The following C12orf42 variants were observed in gnomAD, a reference collection of about 807,000 sequenced individuals.
C12orf42 encodes uncharacterized protein C12orf42.
Under a neutral mutation model 21.6 loss-of-function variants are expected in C12orf42, and 25 were observed. That is an observed-to-expected ratio of 1.16 (90% CI 0.84 to 1.62). The LOEUF (loss-of-function observed/expected upper bound fraction) is 1.62, where lower values mean the gene tolerates loss of function less well. Among genes scored for constraint, C12orf42 ranks in the 40% most tolerant of loss-of-function variants. The probability of loss-of-function intolerance (pLI) is 0.00; values close to 1 mark genes in which losing one functional copy is unlikely to be tolerated. For missense variants in C12orf42, 483 were observed against 459.3 expected (o/e 1.05, Z -0.47); for synonymous variants, 174 against 175.0 (o/e 0.99, Z 0.05).
At chr12:103,143,612 T>C in the C12orf42 span, among the ~76,000 whole-genome samples, 1 of 152,226 alleles carries the variant, frequency 6.6e-6, no homozygotes. Context: ...AATCCATTTA[T>C]GTGAGAGGAA....
At chr12:103,175,352 A>G in the C12orf42 span, among the ~76,000 whole-genome samples, 1 of 152,230 alleles carries the variant, frequency 6.6e-6, no homozygotes, top group Admixed American at 6.5e-5. Flanking sequence ...AACAAAATCC[A>G]TTCACGGACA....
Position 103,401,716 on chromosome 12 carries a change from A to T in C12orf42, c.79-41T>A, listed in dbSNP as rs754685901. The T allele has an allele frequency of 5.1e-6, 8 of 1,560,540 alleles. No homozygotes were observed. The South Asian group carries it at 9.0e-5, about 17-fold the overall frequency. ...CAAGGCATTTAGTATCACTTCAATA[A>T]TTCTTACAAAGAAACATTTCCATTC... On this transcript the variant is annotated intron_variant, in intron 2 of 5. Coordinates refer to ENST00000548883, the MANE Select transcript of C12orf42 (RefSeq NM_198521.5).
the C12orf42 span, among the ~76,000 whole-genome samples, chr12:103,222,123 C>T: frequency 1.3e-5 from 2 of 152,160 alleles, no homozygotes; most frequent in African/African-American, 2.4e-5. Context: ...TTTTCATGCG[C>T]GTCCCTGTGA....
chr12:103,250,959 C>A (rs2034270562), intron 10 of C12orf42, among the ~76,000 whole-genome samples: 2 of 151,944 alleles, frequency 1.3e-5, no homozygotes, highest in Non-Finnish European at 1.5e-5. Flanking sequence ...TTACTCAAAT[C>A]CATATTTCAA....
the C12orf42 span, among the ~76,000 whole-genome samples, chr12:103,177,377 A>G: frequency 1.8e-4 from 27 of 152,340 alleles, no homozygotes; most frequent in East Asian, 4.2e-3. Flanking sequence ...GTTACCCCTA[A>G]GTATCTACCT....
chr12:103,351,606 G>A (rs115425257), intron 4 of C12orf42, among the ~76,000 whole-genome samples: 259 of 152,150 alleles, frequency 1.7e-3, no homozygotes, highest in African/African-American at 6.0e-3. Context: ...TGTCTGAGGA[G>A]AAACAACTGG....
chr12:103,383,081 T>C (rs544800358), intron 3 of C12orf42, among the ~76,000 whole-genome samples: 1 of 152,194 alleles, frequency 6.6e-6, no homozygotes, highest in East Asian at 1.9e-4. Flanking sequence ...GTTTCTTATA[T>C]GTATAAATTT....
At chr12:103,215,839 T>C in the C12orf42 span, among the ~76,000 whole-genome samples, 1 of 152,202 alleles carries the variant, frequency 6.6e-6, no homozygotes, top group Admixed American at 6.5e-5. Context: ...TTTCTAAACA[T>C]GCTGGATGAG....
At chr12:103,174,683 C>T in the C12orf42 span, among the ~76,000 whole-genome samples, 5 of 152,184 alleles carry the variant, frequency 3.3e-5, no homozygotes, top group Admixed American at 6.5e-5. Context: ...TGTAAACAAT[C>T]GAAGTATATC....
the C12orf42 span, among the ~76,000 whole-genome samples, chr12:103,158,703 ACC>A: frequency 6.6e-6 from 1 of 151,750 alleles, no homozygotes; most frequent in Non-Finnish European, 1.5e-5. Context: ...ACATGGTGAA[ACC>A]CCGTCTCTAC....
chr12:103,554,732 A>T, the C12orf42 span, among the ~76,000 whole-genome samples: 1 of 152,162 alleles, frequency 6.6e-6, no homozygotes, highest in Non-Finnish European at 1.5e-5. Flanking sequence ...GAGAAGGGGA[A>T]GGTGCTACAC....
At chr12:103,226,717 C>T in the C12orf42 span, among the ~76,000 whole-genome samples, 1 of 152,056 alleles carries the variant, frequency 6.6e-6, no homozygotes, top group Non-Finnish European at 1.5e-5. Flanking sequence ...GGACCTAGCT[C>T]AGCCTGGTGA....
chr12:103,261,509 T>C (rs1227093194), intron 10 of C12orf42, among the ~76,000 whole-genome samples: 1 of 151,168 alleles, frequency 6.6e-6, no homozygotes, highest in Non-Finnish European at 1.5e-5. Flanking sequence ...GTATGGTTCT[T>C]GTTGCAAAAA....
At chr12:103,476,024 T>A (rs1238412968) in intron 2 of C12orf42, among the ~76,000 whole-genome samples, 2 of 152,158 alleles carry the variant, frequency 1.3e-5, no homozygotes, top group Admixed American at 6.5e-5. Context: ...GAGCAACAAC[T>A]GTCCAAGAAA....
At chr12:103,127,386 T>C in the C12orf42 span, among the ~76,000 whole-genome samples, 4 of 152,192 alleles carry the variant, frequency 2.6e-5, no homozygotes, top group Non-Finnish European at 5.9e-5. Flanking sequence ...ATTCACGTGC[T>C]ATTACCCAAA....
the C12orf42 span, among the ~76,000 whole-genome samples, chr12:103,064,614 C>T: frequency 6.6e-6 from 1 of 152,238 alleles, no homozygotes; most frequent in Admixed American, 6.5e-5. Context: ...GACCCAGAAC[C>T]CCTTGAAGGA....
chr12:103,100,071 A>G, the C12orf42 span, among the ~76,000 whole-genome samples: 1 of 152,142 alleles, frequency 6.6e-6, no homozygotes, highest in African/African-American at 2.4e-5. Context: ...TCCATATTGC[A>G]TGTAATTTTG....
At chr12:103,544,433 A>G in the C12orf42 span, among the ~76,000 whole-genome samples, 2 of 151,520 alleles carry the variant, frequency 1.3e-5, no homozygotes, top group African/African-American at 4.9e-5. Flanking sequence ...CTTTTAAGAC[A>G]CTCTCTTTCT....
At chr12:103,080,449 C>G in the C12orf42 span, among the ~76,000 whole-genome samples, 2 of 152,124 alleles carry the variant, frequency 1.3e-5, no homozygotes, top group Admixed American at 6.5e-5. Context: ...TAAGGATCAT[C>G]ATTAATACAA....
Sources: allele counts gnomAD v4.1 joint callset (sites outside exome capture counted in the v4.1 genomes callset), GRCh38; gene constraint gnomAD v4.1.1; transcripts MANE v1.5; gene names NCBI Gene and HGNC (gene_info 2026-07-23, HGNC 2026-07-21).